CYP7B1: variants seen among roughly 807,000 people sequenced by gnomAD.
The protein encoded by CYP7B1 is cytochrome P450 7B1.
In CYP7B1, 29 loss-of-function variants were observed where a neutral mutation model predicts 42.7. The ratio of observed to expected loss-of-function variants is 0.68; its 90% CI spans 0.51 to 0.93. The LOEUF (loss-of-function observed/expected upper bound fraction) is 0.93, where lower values mean the gene tolerates loss of function less well. CYP7B1 is among the 40% of genes least tolerant of loss of function. CYP7B1 has a pLI of 0.00. For synonymous variants in CYP7B1, 235 were observed against 218.2 expected (o/e 1.08, Z -0.68); for missense variants, 655 against 600.5 (o/e 1.09, Z -0.95).
In CYP7B1 at chr8:64,671,927, T is replaced by C. The variant is rs1806373229; in HGVS notation, c.123-47388A>G. On this transcript the variant is annotated intron_variant, in intron 1 of 5. Coordinates refer to ENST00000310193, the MANE Select transcript of CYP7B1 (RefSeq NM_004820.5). Reference sequence around the variant, plus strand: ...GCAATATATGAGTGATAGGGCTATGTAGGAAATAAAACAAGATAAATATGA... The same window carrying C: ...GCAATATATGAGTGATAGGGCTATGCAGGAAATAAAACAAGATAAATATGA... Among the ~76,000 whole-genome samples, 3 of 152,144 alleles carry C rather than the reference T, an allele frequency of 2.0e-5. No homozygotes were observed. In the South Asian group the frequency reaches 6.2e-4, roughly 31 times the overall value.
intron 1 of CYP7B1, among the ~76,000 whole-genome samples, chr8:64,680,807 G>A (rs1806525086): frequency 6.6e-6 from 1 of 152,170 alleles, no homozygotes; most frequent in African/African-American, 2.4e-5. Context: ...ATATTTGTGA[G>A]AAAGTAAGGT....
At chr8:64,624,682 A>G in intron 1 of CYP7B1, 143 bp from the exon 2 acceptor site, 4 of 961,626 alleles carry the variant, frequency 4.2e-6, no homozygotes, top group Non-Finnish European at 4.6e-6. Context: ...AGTGATTCTT[A>G]TATAATCATA....
intron 1 of CYP7B1, among the ~76,000 whole-genome samples, chr8:64,679,747 G>A (rs193142169): frequency 6.6e-6 from 1 of 152,174 alleles, no homozygotes; most frequent in East Asian, 1.9e-4. Context: ...CATATAAATA[G>A]CTGTATATAT....
intron 1 of CYP7B1, among the ~76,000 whole-genome samples, chr8:64,631,880 C>T (rs1054163282): frequency 3.0e-5 from 4 of 131,378 alleles, no homozygotes; most frequent in Non-Finnish European, 6.5e-5. Context: ...CACCTCATAC[C>T]TGTCAGGATG....
chr8:64,704,602 GTC>G (rs1293057599), intron 1 of CYP7B1, among the ~76,000 whole-genome samples: 3 of 151,894 alleles, frequency 2.0e-5, no homozygotes, highest in Admixed American at 6.6e-5. Context: ...GCTTCTTATA[GTC>G]TCTGAAAGCC....
At chr8:64,676,345 C>T (rs1806445755) in intron 1 of CYP7B1, among the ~76,000 whole-genome samples, 1 of 152,090 alleles carries the variant, frequency 6.6e-6, no homozygotes, top group African/African-American at 2.4e-5. Flanking sequence ...TTAGCACACC[C>T]ATGTGCACCT....
At chr8:64,725,257 C>T (rs150540994) in intron 1 of CYP7B1, among the ~76,000 whole-genome samples, 4 of 152,312 alleles carry the variant, frequency 2.6e-5, no homozygotes, top group African/African-American at 7.2e-5. Flanking sequence ...AATAAAGATG[C>T]TATGCTTTTC....
At chr8:64,652,920 A>C (rs1031576621) in intron 1 of CYP7B1, among the ~76,000 whole-genome samples, 1 of 152,212 alleles carries the variant, frequency 6.6e-6, no homozygotes, top group African/African-American at 2.4e-5. Context: ...AATTAAATCA[A>C]GTCAGACATA....
intron 1 of CYP7B1, among the ~76,000 whole-genome samples, chr8:64,731,257 C>T (rs530759009): frequency 7.9e-5 from 12 of 152,170 alleles, no homozygotes; most frequent in South Asian, 2.1e-4. Context: ...ACAATTTGGA[C>T]GGTTCAGAAG....
Position 64,596,947 on chromosome 8 carries a change from GTTAAAA to G in CYP7B1, c.1234-24_1234-19del. On this transcript the variant is annotated intron_variant, in intron 5 of 5. Transcript: ENST00000310193. Reference sequence around the variant, plus strand: ...CTAAACTCCTGTAAGGAAGAATAGTGTTAAAATTAACATTTTATATGAAATAGTTTG... The same window carrying G: ...CTAAACTCCTGTAAGGAAGAATAGTGTTAACATTTTATATGAAATAGTTTG... 6.3e-7 allele frequency: 1 copy of G among 1,586,446 alleles called. No individual in the cohort carries two copies. The highest frequency in any genetic ancestry group is 1.4e-5 in the African/African-American group (1 of 74,028).
rs372263083 is a variant in CYP7B1 at position 64,710,591 on chromosome 8, C to T, written c.123-86052G>A. ...AAATAATCTTTCTTTTCTCTGAATT[C>T]TGCTAACATCTCAGTTAGGATACTT... On this transcript the variant is annotated intron_variant, in intron 1 of 5. Transcript: ENST00000310193. 4.3e-4 allele frequency among the ~76,000 whole-genome samples: 65 copies of T among 152,230 alleles called. No individual in the cohort carries two copies. The South Asian group carries it at 0.012, about 28-fold the overall frequency.
intron 1 of CYP7B1, among the ~76,000 whole-genome samples, chr8:64,627,017 GGAAA>G (rs1461389117): frequency 2.6e-5 from 4 of 152,072 alleles, no homozygotes; most frequent in African/African-American, 9.7e-5. Flanking sequence ...ATCTTTCAGG[GGAAA>G]GAATGTCAAA....
chr8:64,675,152 A>T (rs1283493604), intron 1 of CYP7B1, among the ~76,000 whole-genome samples: 1 of 152,126 alleles, frequency 6.6e-6, no homozygotes, highest in Admixed American at 6.6e-5. Context: ...AGTTACCTAC[A>T]TTCATTTCAA....
chr8:64,795,980 A>T (rs1804697407), intron 1 of CYP7B1, among the ~76,000 whole-genome samples: 2 of 152,224 alleles, frequency 1.3e-5, no homozygotes, highest in African/African-American at 2.4e-5. Flanking sequence ...TTTTTTTACC[A>T]TTTTTATAGG....
rs1490370726 is a variant in CYP7B1, at chr8:64,798,629, T to A, written c.-42A>T. On this transcript the variant is annotated 5_prime_UTR_variant, in exon 1 of 6. Transcript: ENST00000310193. ...CGCGGTGGGCAGCCCGGGGTCTGCC[T>A]GCGAACAGCGCGGTCGGCGACTCTG... 2 of 1,445,676 alleles carry A rather than the reference T, an allele frequency of 1.4e-6. No individual in the cohort carries two copies. Among genetic ancestry groups the A allele is most frequent in the Non-Finnish European group, 1.8e-6 (2 of 1,108,432 alleles). The allele number at this position is 1,445,676 out of a possible 1,614,324, so 89.6% of individuals were successfully genotyped here.
At chr8:64,679,771 C>G (rs1037768966) in intron 1 of CYP7B1, among the ~76,000 whole-genome samples, 1 of 152,112 alleles carries the variant, frequency 6.6e-6, no homozygotes, top group East Asian at 1.9e-4. Context: ...ATGTATAGAA[C>G]TTGGTGTGTT....
chr8:64,672,366 T>C (rs1030617037), intron 1 of CYP7B1, among the ~76,000 whole-genome samples: 11 of 152,110 alleles, frequency 7.2e-5, no homozygotes, highest in African/African-American at 2.7e-4. Context: ...AATATAGACA[T>C]GACACTGTTG....
chr8:64,742,226 TAC>T (rs1377723944), intron 1 of CYP7B1, among the ~76,000 whole-genome samples: 2 of 151,634 alleles, frequency 1.3e-5, no homozygotes, highest in Admixed American at 6.5e-5. Context: ...GAAAAAATAT[TAC>T]ACTGAGTTGA....
chr8:64,785,666 A>T (rs1419852497), intron 1 of CYP7B1, among the ~76,000 whole-genome samples: 2 of 152,070 alleles, frequency 1.3e-5, no homozygotes, highest in Non-Finnish European at 2.9e-5. Flanking sequence ...AACTAGGGAG[A>T]CGGTAAAAAA....
Sources: gnomAD v4.1 joint callset for allele counts (sites outside exome capture counted in the v4.1 genomes callset) on GRCh38, gnomAD v4.1.1 for gene constraint, MANE v1.5 for transcripts, NCBI Gene and HGNC (gene_info 2026-07-23, HGNC 2026-07-21) for gene names.